The following FNDC3A variants were observed in gnomAD, a reference collection of about 807,000 sequenced individuals.
The protein encoded by FNDC3A is fibronectin type III domain containing 3A, also known as fibronectin type-III domain-containing protein 3A.
FNDC3A carries 32 observed loss-of-function variants against 148.9 expected under a neutral mutation model. The observed-to-expected ratio is 0.21, with a 90% confidence interval of 0.16 to 0.29. The LOEUF is 0.29. Among genes scored for constraint, FNDC3A ranks in the 10% least tolerant of loss-of-function variants. FNDC3A has a pLI of 1.00. For missense variants in FNDC3A, 1,191 were observed against 1,452.8 expected (o/e 0.82, Z 2.93); for synonymous variants, 472 against 473.6 (o/e 1.00, Z 0.04).
Position 49,187,190 on chromosome 13 carries a change from G to C in FNDC3A, c.1825G>C (p.Gly609Arg). ...YVVEMAEGSN[G>R]NKWEMIYSGA... ...AGTGGAGATGGCAGAAGGTTCTAAC[G>C]GTATGAATGGATATTAAACACTGAT... is the stretch of plus-strand genomic sequence containing the variant. Residue 609 changes from glycine (G) to arginine (R), a missense_variant and splice_region_variant, in exon 16 of 26, where the codon GGA becomes CGA. This residue lies in a region of FNDC3A where 751 missense variants were observed against 944.0 expected (regional missense o/e 0.80). Coordinates refer to ENST00000492622, the MANE Select transcript of FNDC3A (RefSeq NM_001079673.2). The C allele has an allele frequency of 2.5e-6, 4 of 1,589,386 alleles. No individual in the cohort carries two copies. The highest frequency in any genetic ancestry group is 3.5e-6 in the Non-Finnish European group (4 of 1,158,674).
At chr13:49,018,682 T>G (rs1259385653) in intron 2 of FNDC3A, among the ~76,000 whole-genome samples, 17 of 152,276 alleles carry the variant, frequency 1.1e-4, no homozygotes, top group Non-Finnish European at 2.5e-4. Context: ...GGTGCTCTGC[T>G]TTTTAGAGTT....
At chr13:49,125,663 A>T (rs770391226) in intron 4 of FNDC3A, among the ~76,000 whole-genome samples, 1 of 152,224 alleles carries the variant, frequency 6.6e-6, no homozygotes, top group Non-Finnish European at 1.5e-5. Flanking sequence ...TGATCATATC[A>T]TTCATTTAAC....
chr13:49,174,662 T>C, intron 12 of FNDC3A, 103 bp downstream of exon 12: 3 of 1,060,928 alleles, frequency 2.8e-6, no homozygotes, highest in Non-Finnish European at 4.0e-6. Context: ...AAATTCTGCT[T>C]AGTTTATCTC....
chr13:49,070,712 C>T (rs1373717857), intron 2 of FNDC3A, among the ~76,000 whole-genome samples: 1 of 152,070 alleles, frequency 6.6e-6, no homozygotes, highest in Non-Finnish European at 1.5e-5. Context: ...TCACACCCAC[C>T]TTCCCAGCCT....
intron 3 of FNDC3A, among the ~76,000 whole-genome samples, chr13:49,075,844 G>C (rs1280076067): frequency 1.0e-5 from 1 of 97,532 alleles, no homozygotes; most frequent in Non-Finnish European, 1.9e-5. Flanking sequence ...GATCCTACCT[G>C]TGCTTCAAGA....
chr13:49,188,669 T>A, intron 17 of FNDC3A, 36 bp downstream of exon 17: 1 of 1,424,160 alleles, frequency 7.0e-7, no homozygotes, highest in Non-Finnish European at 9.9e-7. Flanking sequence ...GTGTTGTTAT[T>A]AAGTTTGGCC....
At chr13:49,016,715 T>C (rs1157508547) in intron 2 of FNDC3A, among the ~76,000 whole-genome samples, 1 of 152,218 alleles carries the variant, frequency 6.6e-6, no homozygotes, top group East Asian at 1.9e-4. Context: ...TTTGGATCTT[T>C]CCTGCTTCCT....
At chr13:49,075,214 C>A in intron 2 of FNDC3A, 75 bp from the exon 3 acceptor site, 1 of 831,680 alleles carries the variant, frequency 1.2e-6, no homozygotes, top group Non-Finnish European at 2.0e-6. Context: ...TAGCTTATAT[C>A]TGCTCTGTTA....
chr13:49,192,307 T>C (rs916580967), intron 19 of FNDC3A, among the ~76,000 whole-genome samples: 1 of 152,206 alleles, frequency 6.6e-6, no homozygotes, highest in Non-Finnish European at 1.5e-5. Flanking sequence ...TTCTGTTTGA[T>C]TTTTTGAAAC....
At chr13:49,167,034 C>T (rs932063626) in intron 8 of FNDC3A, among the ~76,000 whole-genome samples, 7 of 152,150 alleles carry the variant, frequency 4.6e-5, no homozygotes, top group Non-Finnish European at 1.0e-4. Context: ...CTTAGCACTA[C>T]CTTCTGTTTT....
At chr13:49,193,004 G>A (rs1885963783) in intron 19 of FNDC3A, among the ~76,000 whole-genome samples, 1 of 151,976 alleles carries the variant, frequency 6.6e-6, no homozygotes, top group Non-Finnish European at 1.5e-5. Context: ...GTTCAAAAAA[G>A]GGGGGCAAAA....
intron 2 of FNDC3A, among the ~76,000 whole-genome samples, chr13:49,020,383 A>G (rs909634524): frequency 6.6e-6 from 1 of 152,246 alleles, no homozygotes; most frequent in Non-Finnish European, 1.5e-5. Flanking sequence ...TGAAAATGTA[A>G]GTGGATAGCA....
rs1593473832 is a variant in FNDC3A, at chr13:49,016,154, A to T, written c.99+9865A>T. On this transcript the variant is annotated intron_variant, in intron 2 of 25. Coordinates refer to ENST00000492622, the MANE Select transcript of FNDC3A (RefSeq NM_001079673.2). ...GGGAGGATTCCCTCTTTTTCTGTTG[A>T]TTGGAATAGTTTCAGAAGGAATGGT... Among the ~76,000 whole-genome samples the T allele has an allele frequency of 2.0e-5, 3 of 152,182 alleles. No homozygotes were observed. The South Asian group carries it at 6.2e-4, about 32-fold the overall frequency.
chr13:49,008,937 T>TTATTGACA (rs144128515), intron 2 of FNDC3A, among the ~76,000 whole-genome samples: 5 of 151,182 alleles, frequency 3.3e-5, no homozygotes, highest in Non-Finnish European at 7.4e-5. Flanking sequence ...GTTTCTTCAT[T>TTATTGACA]TATTAGTGTG....
chr13:49,161,159 A>C (rs1016236287), intron 8 of FNDC3A, among the ~76,000 whole-genome samples: 1 of 152,188 alleles, frequency 6.6e-6, no homozygotes, highest in Non-Finnish European at 1.5e-5. Flanking sequence ...ACTTGAGTTC[A>C]AGTCCTGGGT....
At chr13:48,998,810 T>C (rs1045174791) in intron 1 of FNDC3A, among the ~76,000 whole-genome samples, 7 of 152,178 alleles carry the variant, frequency 4.6e-5, no homozygotes, top group Non-Finnish European at 1.0e-4. Context: ...AAGATTAGCA[T>C]GGGTGTAAAC....
chr13:49,171,907 T>C, intron 10 of FNDC3A, 136 bp from the exon 11 acceptor site: 1 of 600,778 alleles, frequency 1.7e-6, no homozygotes, highest in Non-Finnish European at 2.9e-6. Flanking sequence ...TATTTTTGTA[T>C]TTTTATGAAC....
intron 2 of FNDC3A, among the ~76,000 whole-genome samples, chr13:49,043,397 T>G (rs1030608768): frequency 6.6e-6 from 1 of 152,202 alleles, no homozygotes; most frequent in Non-Finnish European, 1.5e-5. Flanking sequence ...CATTCTTAAA[T>G]TTTTTTGCTC....
At chr13:49,025,475 G>T (rs79233325) in intron 2 of FNDC3A, among the ~76,000 whole-genome samples, 1 of 152,104 alleles carries the variant, frequency 6.6e-6, no homozygotes, top group African/African-American at 2.4e-5. Context: ...TAATTTCAGT[G>T]TCTTATATGT....
Sources: gnomAD v4.1 joint callset for allele counts (sites outside exome capture counted in the v4.1 genomes callset) on GRCh38, gnomAD v4.1.1 for gene constraint, gnomAD v4.1.1 regional missense constraint, MANE v1.5 for transcripts, NCBI Gene and HGNC (gene_info 2026-07-23, HGNC 2026-07-21) for gene names.